SIPA1L1: variants seen among roughly 807,000 people sequenced by gnomAD.
SIPA1L1 encodes signal-induced proliferation-associated 1-like protein 1.
SIPA1L1 carries 26 observed loss-of-function variants against 162.7 expected under a neutral mutation model. That is an observed-to-expected ratio of 0.16 (90% CI 0.12 to 0.22). SIPA1L1 has a LOEUF of 0.22. SIPA1L1 is among the 10% of genes least tolerant of loss of function. The pLI, the probability that SIPA1L1 is intolerant of heterozygous loss-of-function variation, is 1.00. For synonymous variants in SIPA1L1, 829 were observed against 837.4 expected (o/e 0.99, Z 0.17); for missense variants, 1,874 against 2,241.0 (o/e 0.84, Z 3.31).
intron 3 of SIPA1L1, among the ~76,000 whole-genome samples, chr14:71,521,796 A>G (rs150785389): frequency 5.3e-4 from 81 of 152,270 alleles, no homozygotes; most frequent in African/African-American, 1.9e-3. Flanking sequence ...AGAGAGTCCC[A>G]TTTGCTCCAC....
In SIPA1L1 at chr14:71,446,379, A is replaced by G. The variant is rs554814636; in HGVS notation, c.-464-66364A>G. Among the ~76,000 whole-genome samples, 4 of 152,144 alleles carry G rather than the reference A, an allele frequency of 2.6e-5. No individual in the cohort carries two copies. The East Asian group carries it at 7.7e-4, about 29-fold the overall frequency. The stretch of plus-strand genomic sequence containing the variant: ...TTGTATTCTGCTTTTTATGTTTAGC[A>G]TACCTTTTGAATTTTTTATCTTATT... On this transcript the variant is annotated intron_variant, in intron 2 of 23. Coordinates refer to ENST00000381232, the MANE Select transcript of SIPA1L1 (RefSeq NM_001386936.1).
intron 5 of SIPA1L1, among the ~76,000 whole-genome samples, chr14:71,591,950 G>A (rs1411759364): frequency 1.3e-5 from 2 of 152,060 alleles, no homozygotes; most frequent in Non-Finnish European, 2.9e-5. Context: ...TTTATCTTTT[G>A]TACTCATATT....
chr14:71,661,254 G>A, intron 9 of SIPA1L1, 56 bp from the exon 10 acceptor site: 1 of 1,576,050 alleles, frequency 6.3e-7, no homozygotes. Context: ...GGGAATTGGG[G>A]TGGCGGGGGA....
chr14:71,362,582 G>C (rs2037913563), intron 2 of SIPA1L1, among the ~76,000 whole-genome samples: 2 of 152,168 alleles, frequency 1.3e-5, no homozygotes, highest in South Asian at 4.1e-4. Flanking sequence ...CAAATTTACG[G>C]AAATTTCATC....
At chr14:71,503,603 T>C (rs1244929885) in intron 2 of SIPA1L1, among the ~76,000 whole-genome samples, 8 of 152,206 alleles carry the variant, frequency 5.3e-5, no homozygotes, top group Non-Finnish European at 8.8e-5. Flanking sequence ...TTTTCTTTAA[T>C]GTTTCTAGAC....
intron 2 of SIPA1L1, among the ~76,000 whole-genome samples, chr14:71,331,696 G>A (rs2034565287): frequency 6.6e-6 from 1 of 152,144 alleles, no homozygotes; most frequent in South Asian, 2.1e-4. Context: ...GTCACTTGTG[G>A]TAATTTTTTC....
intron 2 of SIPA1L1, among the ~76,000 whole-genome samples, chr14:71,352,118 A>G (rs1323560021): frequency 1.3e-5 from 2 of 152,058 alleles, no homozygotes; most frequent in African/African-American, 2.4e-5. Flanking sequence ...TTAAAAACAT[A>G]CTTTATATTG....
chr14:71,550,644 A>G (rs2055725187), intron 4 of SIPA1L1, among the ~76,000 whole-genome samples: 1 of 151,912 alleles, frequency 6.6e-6, no homozygotes, highest in Non-Finnish European at 1.5e-5. Context: ...ATCTAGTTGC[A>G]TGACTTGAAA....
chr14:71,348,821 G>A (rs1303708723), intron 2 of SIPA1L1, among the ~76,000 whole-genome samples: 1 of 152,184 alleles, frequency 6.6e-6, no homozygotes, highest in African/African-American at 2.4e-5. Flanking sequence ...TATGAAAGAT[G>A]AGAGTAAAGC....
chr14:71,731,771 A>G (rs1358958442), intron 20 of SIPA1L1, among the ~76,000 whole-genome samples: 3 of 152,232 alleles, frequency 2.0e-5, no homozygotes, highest in Admixed American at 6.5e-5. Context: ...ATGTGAGTCC[A>G]CAATGGAAAG....
intron 13 of SIPA1L1, among the ~76,000 whole-genome samples, chr14:71,691,644 G>A (rs1024765270): frequency 6.6e-6 from 1 of 151,858 alleles, no homozygotes; most frequent in African/African-American, 2.4e-5. Context: ...CCCTATCATC[G>A]TCACCACCCC....
intron 2 of SIPA1L1, among the ~76,000 whole-genome samples, chr14:71,507,872 C>T (rs931840428): frequency 6.6e-6 from 1 of 152,200 alleles, no homozygotes; most frequent in African/African-American, 2.4e-5. Flanking sequence ...TTGACTCCAT[C>T]ATTCTGCAGC....
At chr14:71,580,058 G>T (rs2033698656) in intron 4 of SIPA1L1, among the ~76,000 whole-genome samples, 2 of 152,124 alleles carry the variant, frequency 1.3e-5, no homozygotes, top group Admixed American at 1.3e-4. Context: ...TCTCTGCTGC[G>T]TTTTTTACAG....
At chr14:71,585,615 G>A (rs1040908588) in intron 4 of SIPA1L1, among the ~76,000 whole-genome samples, 2 of 152,118 alleles carry the variant, frequency 1.3e-5, no homozygotes, top group African/African-American at 4.8e-5. Flanking sequence ...ATTTTCTAAG[G>A]CACATGAAAT....
chr14:71,588,652 T>A lies in SIPA1L1; in HGVS notation c.780T>A (p.Asp260Glu), dbSNP rs545531100. The A allele has an allele frequency of 6.2e-7, 1 of 1,614,046 alleles. No individual in the cohort carries two copies. The highest frequency in any genetic ancestry group is 8.5e-7 in the Non-Finnish European group (1 of 1,179,972). The change falls in exon 5 of 24, where the codon GAT (aspartate) becomes GAA (glutamate). Residue 260 changes from aspartate to glutamate, a missense_variant. Asp to Glu is a conservative substitution (Grantham distance 45, BLOSUM62 2). Around this residue, in one of 5 missense-constraint regions of SIPA1L1, gnomAD observed 685 missense variants for 828.0 expected, o/e 0.83. Transcript: ENST00000381232. This position sits in a 1 kb window ranked among gnomAD's most constrained non-coding sequence, Gnocchi z 4.3. The part of the protein sequence containing the change: ...GGGKGSGFSL[D>E]VIDGPISQRE... The stretch of plus-strand genomic sequence containing the variant: ...GCAAGGGTTCTGGTTTCTCTTTGGA[T>A]GTAATAGACGGGCCTATCTCACAGA...
intron 2 of SIPA1L1, among the ~76,000 whole-genome samples, chr14:71,429,965 C>A (rs1454431784): frequency 6.6e-6 from 1 of 152,170 alleles, no homozygotes; most frequent in African/African-American, 2.4e-5. Context: ...AAAAGTAACA[C>A]CTTGTTTTAC....
At chr14:71,595,427 A>C (rs2035917941) in intron 5 of SIPA1L1, among the ~76,000 whole-genome samples, 1 of 152,192 alleles carries the variant, frequency 6.6e-6, no homozygotes, top group South Asian at 2.1e-4. Flanking sequence ...CTGTATGTCT[A>C]GTTTTACTTC....
chr14:71,414,431 C>A (rs1037507357), intron 2 of SIPA1L1, among the ~76,000 whole-genome samples: 1 of 152,130 alleles, frequency 6.6e-6, no homozygotes, highest in African/African-American at 2.4e-5. Flanking sequence ...CTCTTTATAG[C>A]AGAATTTTGA....
At chr14:71,424,992 AT>A (rs1378009678) in intron 2 of SIPA1L1, among the ~76,000 whole-genome samples, 1 of 152,002 alleles carries the variant, frequency 6.6e-6, no homozygotes, top group African/African-American at 2.4e-5. Context: ...TGTTGGTAAC[AT>A]TTTGTATTTC....
Sources: allele counts gnomAD v4.1 joint callset (sites outside exome capture counted in the v4.1 genomes callset), GRCh38; gene constraint gnomAD v4.1.1; regional missense constraint gnomAD v4.1.1; non-coding constraint Gnocchi (gnomAD v3.1); transcripts MANE v1.5; gene names NCBI Gene and HGNC (gene_info 2026-07-23, HGNC 2026-07-21).